The following AFG1L variants were observed in gnomAD, a reference collection of about 807,000 sequenced individuals.
The protein encoded by AFG1L is AFG1-like ATPase.
In AFG1L, 53 loss-of-function variants were observed where a neutral mutation model predicts 62.2. The observed-to-expected ratio is 0.85, with a 90% CI of 0.68 to 1.07. AFG1L has a LOEUF of 1.07. Ranked by LOEUF, AFG1L falls within the 50% of genes least tolerant of loss-of-function variation. The probability of loss-of-function intolerance (pLI) is 0.00; values close to 1 mark genes in which losing one functional copy is unlikely to be tolerated. For synonymous variants in AFG1L, 228 were observed against 210.3 expected (o/e 1.08, Z -0.73); for missense variants, 555 against 590.5 (o/e 0.94, Z 0.62).
intron 11 of AFG1L, among the ~76,000 whole-genome samples, chr6:108,516,735 T>C (rs1363747037): frequency 6.6e-6 from 1 of 152,180 alleles, no homozygotes; most frequent in Non-Finnish European, 1.5e-5. Context: ...GATGACATGA[T>C]TGTATATCTA....
rs1322318394 is a variant in AFG1L, at chr6:108,473,060, C to T, written c.891-3805C>T. On this transcript the variant is annotated intron_variant, in intron 8 of 12. Coordinates refer to ENST00000368977, the MANE Select transcript of AFG1L (RefSeq NM_145315.5). ...CAAGTAATCTGACCACCTCGGCTTC[C>T]CAAAGTGCCAGGATTCTAGGCATGC... 2.6e-5 allele frequency among the ~76,000 whole-genome samples: 4 copies of T among 152,222 alleles called. No individual in the cohort carries two copies. In the East Asian group the frequency reaches 7.7e-4, roughly 29 times the overall value.
intron 1 of AFG1L, among the ~76,000 whole-genome samples, chr6:108,313,610 G>C (rs1307662180): frequency 6.6e-6 from 1 of 152,046 alleles, no homozygotes; most frequent in Non-Finnish European, 1.5e-5. Flanking sequence ...CATAATCACG[G>C]CTCACTGCAG....
chr6:108,516,022 C>A (rs1035991091), intron 11 of AFG1L, among the ~76,000 whole-genome samples: 52 of 152,250 alleles, frequency 3.4e-4, no homozygotes, highest in African/African-American at 1.2e-3. Context: ...GCTTGCCAAC[C>A]AAAACGAGTC....
At chr6:108,478,040 C>G (rs528325744) in intron 10 of AFG1L, among the ~76,000 whole-genome samples, 2 of 152,236 alleles carry the variant, frequency 1.3e-5, no homozygotes, top group East Asian at 3.9e-4. Context: ...TCTAGCTGGT[C>G]TCTGATTTAT....
chr6:108,397,065 G>A (rs754119815), intron 6 of AFG1L, among the ~76,000 whole-genome samples: 85 of 151,790 alleles, frequency 5.6e-4, no homozygotes, highest in Non-Finnish European at 1.2e-3. Flanking sequence ...GTCTTGCTCT[G>A]TTGCCCAGGC....
At chr6:108,323,734 G>A (rs1467639687) in intron 1 of AFG1L, 91 bp from the exon 2 acceptor site, 1 of 855,398 alleles carries the variant, frequency 1.2e-6, no homozygotes, top group Non-Finnish European at 1.9e-6. Context: ...CTTGTAACTA[G>A]TTAAAAGTTT....
At chr6:108,510,407 T>G in intron 11 of AFG1L, 55 bp downstream of exon 11, 1 of 1,408,786 alleles carries the variant, frequency 7.1e-7, no homozygotes, top group Non-Finnish European at 9.7e-7. Context: ...TGAAGCCAGA[T>G]TGCCTGGGCT....
At chr6:108,295,253 T>G (rs1282965244) in intron 1 of AFG1L, 35 bp downstream of exon 1, 1 of 1,572,538 alleles carries the variant, frequency 6.4e-7, no homozygotes, top group African/African-American at 1.4e-5. Context: ...CCGAGCCGAC[T>G]GCATATGACT....
At chr6:108,361,287 A>G (rs958961582) in intron 5 of AFG1L, among the ~76,000 whole-genome samples, 8 of 152,164 alleles carry the variant, frequency 5.3e-5, no homozygotes, top group Admixed American at 1.3e-4. Context: ...CCTGGCGCAG[A>G]CCCTGGTTCT....
intron 2 of AFG1L, among the ~76,000 whole-genome samples, chr6:108,325,961 G>A (rs1328448062): frequency 6.6e-6 from 1 of 152,016 alleles, no homozygotes; most frequent in Admixed American, 6.6e-5. Context: ...ATTTTTAGTA[G>A]AGATGGGGTT....
chr6:108,422,527 T>C (rs1770648761), intron 7 of AFG1L, among the ~76,000 whole-genome samples: 1 of 121,658 alleles, frequency 8.2e-6, no homozygotes, highest in South Asian at 3.0e-4. Flanking sequence ...TTTCAGAATC[T>C]AAAGTAAATC....
intron 7 of AFG1L, among the ~76,000 whole-genome samples, chr6:108,430,223 G>C (rs949478438): frequency 6.6e-6 from 1 of 152,152 alleles, no homozygotes; most frequent in Admixed American, 6.5e-5. Flanking sequence ...CTAAATACAG[G>C]TGTGAGCCAC....
intron 1 of AFG1L, among the ~76,000 whole-genome samples, chr6:108,303,651 T>G (rs182453952): frequency 6.6e-6 from 1 of 152,322 alleles, no homozygotes; most frequent in African/African-American, 2.4e-5. Flanking sequence ...CTATCCATAC[T>G]CTTGACCAGG....
chr6:108,432,602 CCATGGTGGA>C (rs1771125319), intron 7 of AFG1L, among the ~76,000 whole-genome samples: 1 of 152,168 alleles, frequency 6.6e-6, no homozygotes, highest in Non-Finnish European at 1.5e-5. Flanking sequence ...TAGTTGCCAC[CCATGGTGGA>C]CATTGTAGTT....
chr6:108,514,683 A>G (rs1774805598), intron 11 of AFG1L, among the ~76,000 whole-genome samples: 1 of 152,258 alleles, frequency 6.6e-6, no homozygotes, highest in African/African-American at 2.4e-5. Context: ...AAATGCTCCA[A>G]TTAAAAGACA....
intron 8 of AFG1L, among the ~76,000 whole-genome samples, chr6:108,456,550 G>A (rs553245648): frequency 2.0e-5 from 3 of 151,972 alleles, no homozygotes; most frequent in African/African-American, 7.2e-5. Context: ...TGGTTTGTTA[G>A]TATATTTAGA....
intron 10 of AFG1L, among the ~76,000 whole-genome samples, chr6:108,496,642 T>A (rs546494460): frequency 6.6e-6 from 1 of 152,324 alleles, no homozygotes; most frequent in Admixed American, 6.5e-5. Flanking sequence ...ATAAAAATCT[T>A]TAATGTTGTT....
chr6:108,380,084 C>T (rs562210872), intron 6 of AFG1L, among the ~76,000 whole-genome samples: 5 of 152,028 alleles, frequency 3.3e-5, no homozygotes, highest in Admixed American at 6.5e-5. Context: ...GCTGCTGGAA[C>T]GTGCACGCAG....
intron 6 of AFG1L, among the ~76,000 whole-genome samples, chr6:108,370,421 T>C (rs1779952402): frequency 6.6e-6 from 1 of 151,998 alleles, no homozygotes; most frequent in African/African-American, 2.4e-5. Context: ...GGGGCCTCTT[T>C]TGCTCACTAG....
Sources: allele counts gnomAD v4.1 joint callset (sites outside exome capture counted in the v4.1 genomes callset), GRCh38; gene constraint gnomAD v4.1.1; transcripts MANE v1.5; gene names NCBI Gene and HGNC (gene_info 2026-07-23, HGNC 2026-07-21).